The following TMEM132D variants were observed in gnomAD, a reference collection of about 807,000 sequenced individuals.
The protein encoded by TMEM132D is mature OL transmembrane protein.
Under a neutral mutation model 62.3 loss-of-function variants are expected in TMEM132D, and 21 were observed. The ratio of observed to expected loss-of-function variants is 0.34; its 90% confidence interval spans 0.24 to 0.49. The LOEUF is 0.49. Among genes scored for constraint, TMEM132D ranks in the 20% least tolerant of loss-of-function variants. TMEM132D has a pLI of 0.99. For missense variants in TMEM132D, 1,346 were observed against 1,402.8 expected (o/e 0.96, Z 0.65); for synonymous variants, 621 against 575.6 (o/e 1.08, Z -1.13).
At chr12:129,143,552 C>T (rs779705589) in intron 5 of TMEM132D, among the ~76,000 whole-genome samples, 7 of 152,134 alleles carry the variant, frequency 4.6e-5, no homozygotes, top group Non-Finnish European at 7.4e-5. Context: ...GGTGAAAAAT[C>T]GGCAGCAGAG....
chr12:129,185,705 G>A (rs186345294), intron 5 of TMEM132D, among the ~76,000 whole-genome samples: 3 of 149,120 alleles, frequency 2.0e-5, no homozygotes, highest in Non-Finnish European at 4.4e-5. Flanking sequence ...TTATCTATCT[G>A]TCTGTCTGTC....
chr12:129,751,219 G>A (rs1273938059), intron 1 of TMEM132D, among the ~76,000 whole-genome samples: 1 of 152,182 alleles, frequency 6.6e-6, no homozygotes, highest in Non-Finnish European at 1.5e-5. Context: ...ATGACTGGGG[G>A]AGCCTCAGGA....
At chr12:129,393,077 G>T (rs536515564) in intron 3 of TMEM132D, among the ~76,000 whole-genome samples, 1 of 152,182 alleles carries the variant, frequency 6.6e-6, no homozygotes, top group Non-Finnish European at 1.5e-5. Context: ...TAGAGGGAAA[G>T]TTCCTGATTT....
chr12:129,572,822 C>A (rs186692783), intron 2 of TMEM132D, among the ~76,000 whole-genome samples: 2 of 152,156 alleles, frequency 1.3e-5, no homozygotes, highest in African/African-American at 2.4e-5. Context: ...TCCTTAGATT[C>A]TTTTCCTTGG....
At chr12:129,530,545 G>C (rs1488374815) in intron 3 of TMEM132D, among the ~76,000 whole-genome samples, 1 of 152,176 alleles carries the variant, frequency 6.6e-6, no homozygotes, top group Non-Finnish European at 1.5e-5. Context: ...TCCCTAGAGT[G>C]ATCCACAATT....
intron 3 of TMEM132D, among the ~76,000 whole-genome samples, chr12:129,457,272 G>A (rs1379796016): frequency 6.6e-6 from 1 of 151,820 alleles, no homozygotes; most frequent in Non-Finnish European, 1.5e-5. Context: ...AAAAAATGAT[G>A]AGTTTATGTC....
In TMEM132D at chr12:129,595,791, G is replaced by A. The variant is rs113837937; in HGVS notation, c.969-64586C>T. ...AGATATGGGACGGAGCCCAGGCAGG[G>A]CCAGAAGAGCCACCTCACTGAGCCC... On this transcript the variant is annotated intron_variant, in intron 2 of 8. Transcript: ENST00000422113. Among the ~76,000 whole-genome samples, 12 of 152,326 alleles carry A rather than the reference G, an allele frequency of 7.9e-5. 2 individuals carry two copies. Among genetic ancestry groups the A allele is most frequent in the African/African-American group, 2.4e-4 (10 of 41,592 alleles).
At chr12:129,645,650 C>T (rs1163599921) in intron 2 of TMEM132D, among the ~76,000 whole-genome samples, 1 of 152,088 alleles carries the variant, frequency 6.6e-6, no homozygotes, top group Non-Finnish European at 1.5e-5. Context: ...ATAATTATAA[C>T]CAGTGTTGAG....
Position 129,765,463 on chromosome 12 carries a change from G to A in TMEM132D, c.80-64765C>T, listed in dbSNP as rs1870518838. Among the ~76,000 whole-genome samples, 6 of 152,110 alleles carry A rather than the reference G, an allele frequency of 3.9e-5. No individual in the cohort carries two copies. The South Asian group carries it at 1.2e-3, about 32-fold the overall frequency. ...TGCCTGTAATCCCAGCTACTCAGGAGGCTGAGGCAGGAGAATCGCTTGAAT... is the reference window on the plus strand; with the variant it reads ...TGCCTGTAATCCCAGCTACTCAGGAAGCTGAGGCAGGAGAATCGCTTGAAT... On this transcript the variant is annotated intron_variant, in intron 1 of 8. Coordinates refer to ENST00000422113, the MANE Select transcript of TMEM132D (RefSeq NM_133448.3).
At chr12:129,276,168 G>A (rs574118490) in intron 4 of TMEM132D, among the ~76,000 whole-genome samples, 2 of 152,238 alleles carry the variant, frequency 1.3e-5, no homozygotes, top group Non-Finnish European at 2.9e-5. Context: ...AAATTGCCAA[G>A]GATTTGCCCA....
chr12:129,875,929 C>A (rs1291593809), intron 1 of TMEM132D, among the ~76,000 whole-genome samples: 1 of 152,192 alleles, frequency 6.6e-6, no homozygotes, highest in Non-Finnish European at 1.5e-5. Flanking sequence ...TAATTCTGGC[C>A]TGGAGATTTC....
chr12:129,370,444 G>T (rs1057393590), intron 3 of TMEM132D, among the ~76,000 whole-genome samples: 1 of 152,200 alleles, frequency 6.6e-6, no homozygotes, highest in African/African-American at 2.4e-5. Context: ...TTGGTGGGAG[G>T]CGGGAGGCTG....
chr12:129,353,790 G>C (rs1023617360), intron 3 of TMEM132D, among the ~76,000 whole-genome samples: 21 of 151,918 alleles, frequency 1.4e-4, no homozygotes, highest in African/African-American at 4.6e-4. Context: ...CCATTGTATG[G>C]AGGGCAATGA....
chr12:129,878,289 A>G (rs1460430326), intron 1 of TMEM132D, among the ~76,000 whole-genome samples: 1 of 152,068 alleles, frequency 6.6e-6, no homozygotes, highest in Non-Finnish European at 1.5e-5. Context: ...AATCCTACTG[A>G]GATTCTCAGT....
chr12:129,136,800 A>C (rs1313291633), intron 5 of TMEM132D, among the ~76,000 whole-genome samples: 1 of 150,226 alleles, frequency 6.7e-6, no homozygotes, highest in African/African-American at 2.4e-5. Flanking sequence ...CATCACCATC[A>C]TCACCATCAT....
rs770835628 is a variant in TMEM132D, at chr12:129,700,128, T to C, written c.650A>G (p.Asp217Gly). Residue 217 changes from aspartate to glycine, a missense_variant, in exon 2 of 9, where the codon GAC becomes GGC. Asp to Gly is a moderately conservative substitution (Grantham distance 94). Transcript: ENST00000422113. ...CTCCACGGGGGTCCCCTCCGGCTGG[T>C]CCACGGACTTCCTCCTCCCGGCAAC... ...TVVAGRRKSV[D>G]QPEGTPVELY... 6 of 1,613,194 alleles carry C rather than the reference T, an allele frequency of 3.7e-6. No individual in the cohort carries two copies. The highest frequency in any genetic ancestry group is 5.1e-6 in the Non-Finnish European group (6 of 1,180,004).
chr12:129,519,433 T>A lies in TMEM132D; in HGVS notation c.1115+11626A>T, dbSNP rs554766422. ...TTCAGAGTTTTATTAAGGAAGCTCA[T>A]AAAATACCTTATCACAATTTAGAAA... On this transcript the variant is annotated intron_variant, in intron 3 of 8. Transcript: ENST00000422113. Among the ~76,000 whole-genome samples, 8 of 152,312 alleles carry A rather than the reference T, an allele frequency of 5.3e-5. No homozygotes were observed. The South Asian group carries it at 1.4e-3, about 28-fold the overall frequency.
intron 5 of TMEM132D, among the ~76,000 whole-genome samples, chr12:129,104,151 G>C (rs1171501679): frequency 2.7e-5 from 4 of 150,122 alleles, no homozygotes; most frequent in African/African-American, 9.9e-5. Flanking sequence ...ATACTACAAG[G>C]CTACAGTAAC....
At chr12:129,349,075 G>T (rs910309647) in intron 3 of TMEM132D, among the ~76,000 whole-genome samples, 3 of 152,160 alleles carry the variant, frequency 2.0e-5, no homozygotes, top group Non-Finnish European at 4.4e-5. Context: ...AGGGACTTTG[G>T]TTTTCTCCTG....
Sources: allele counts gnomAD v4.1 joint callset (sites outside exome capture counted in the v4.1 genomes callset), GRCh38; gene constraint gnomAD v4.1.1; transcripts MANE v1.5; gene names NCBI Gene and HGNC (gene_info 2026-07-23, HGNC 2026-07-21).